Variants in DLG2 observed in about 807,000 individuals in gnomAD.
DLG2 encodes disks large homolog 2.
Under a neutral mutation model 132.5 loss-of-function variants are expected in DLG2, and 45 were observed. That is an observed-to-expected ratio of 0.34 (90% CI 0.27 to 0.44). DLG2 has a LOEUF of 0.44. Among genes scored for constraint, DLG2 ranks in the 20% least tolerant of loss-of-function variants. The pLI is 1.00. For missense variants in DLG2, 1,045 were observed against 1,196.9 expected (o/e 0.87, Z 1.87); for synonymous variants, 424 against 419.6 (o/e 1.01, Z -0.13).
chr11:83,753,349 G>A (rs1250268954), intron 18 of DLG2, among the ~76,000 whole-genome samples: 2 of 152,070 alleles, frequency 1.3e-5, no homozygotes, highest in African/African-American at 2.4e-5. Context: ...CTTGAACCTG[G>A]GAGGCAGAGG....
intron 21 of DLG2, among the ~76,000 whole-genome samples, chr11:83,523,122 T>C (rs1487305442): frequency 6.6e-6 from 1 of 152,192 alleles, no homozygotes; most frequent in Non-Finnish European, 1.5e-5. Flanking sequence ...AAGTGAAACC[T>C]GCAAGCTCAA....
chr11:83,958,980 T>A (rs528612293), intron 14 of DLG2, among the ~76,000 whole-genome samples: 2 of 152,256 alleles, frequency 1.3e-5, no homozygotes, highest in African/African-American at 4.8e-5. Context: ...CCCTTTCTAT[T>A]CTGACAGTCT....
intron 17 of DLG2, among the ~76,000 whole-genome samples, chr11:83,793,764 T>A (rs1423341884): frequency 2.0e-5 from 3 of 152,224 alleles, no homozygotes; most frequent in Non-Finnish European, 4.4e-5. Flanking sequence ...TAAACAGGCA[T>A]TCAGCAAATA....
At chr11:84,335,075 C>A (rs531901667) in intron 7 of DLG2, among the ~76,000 whole-genome samples, 7 of 148,924 alleles carry the variant, frequency 4.7e-5, no homozygotes, top group Non-Finnish European at 1.0e-4. Flanking sequence ...CTGATGCCAT[C>A]CAGAACTAAG....
At chr11:83,534,481 C>G (rs1383273095) in intron 20 of DLG2, among the ~76,000 whole-genome samples, 1 of 152,204 alleles carries the variant, frequency 6.6e-6, no homozygotes, top group Non-Finnish European at 1.5e-5. Flanking sequence ...ACACTCCTTT[C>G]TAACTGAGAG....
chr11:83,964,774 A>G (rs1257555089), intron 13 of DLG2, among the ~76,000 whole-genome samples: 1 of 152,002 alleles, frequency 6.6e-6, no homozygotes, highest in Non-Finnish European at 1.5e-5. Context: ...TCCCACTTCC[A>G]GCTCACCTCT....
intron 15 of DLG2, among the ~76,000 whole-genome samples, chr11:83,896,329 C>G (rs2071668319): frequency 6.6e-6 from 1 of 152,182 alleles, no homozygotes. Context: ...TTAGCCATGG[C>G]AGGACATTAT....
chr11:85,140,412 A>C (rs896338762), intron 5 of DLG2, among the ~76,000 whole-genome samples: 1 of 151,946 alleles, frequency 6.6e-6, no homozygotes, highest in African/African-American at 2.4e-5. Context: ...TTTTTGTAGA[A>C]AATATGCATT....
At chr11:85,324,990 C>T (rs1264263493) in intron 3 of DLG2, among the ~76,000 whole-genome samples, 16 of 145,984 alleles carry the variant, frequency 1.1e-4, no homozygotes, top group African/African-American at 2.3e-4. Flanking sequence ...GTTCCCTTTC[C>T]GAGTCAAAGA....
chr11:85,153,057 T>C (rs2077360002), intron 5 of DLG2, among the ~76,000 whole-genome samples: 2 of 152,188 alleles, frequency 1.3e-5, no homozygotes, highest in Admixed American at 1.3e-4. Context: ...TATCAATCCT[T>C]TCATATATAA....
chr11:83,998,142 AAG>A (rs1385675362), intron 11 of DLG2, among the ~76,000 whole-genome samples: 1 of 152,168 alleles, frequency 6.6e-6, no homozygotes, highest in East Asian at 1.9e-4. Context: ...TCTCAAAAAA[AAG>A]AAAAAAAGAA....
intron 3 of DLG2, among the ~76,000 whole-genome samples, chr11:85,337,376 G>A (rs1008428813): frequency 6.6e-6 from 1 of 151,984 alleles, no homozygotes; most frequent in East Asian, 1.9e-4. Context: ...GAACCATCAG[G>A]CCTGGCTAGA....
At chr11:84,035,369 ATATATT>A (rs1199011949) in intron 11 of DLG2, among the ~76,000 whole-genome samples, 1 of 152,216 alleles carries the variant, frequency 6.6e-6, no homozygotes, top group African/African-American at 2.4e-5. Context: ...ACACAAATAC[ATATATT>A]TATAATACAA....
chr11:83,666,070 C>T (rs1365594610), intron 18 of DLG2, among the ~76,000 whole-genome samples: 3 of 152,042 alleles, frequency 2.0e-5, no homozygotes, highest in Non-Finnish European at 4.4e-5. Flanking sequence ...AAGATTAGCC[C>T]CTTCCATTTG....
intron 8 of DLG2, among the ~76,000 whole-genome samples, chr11:84,200,294 A>T (rs1224818716): frequency 6.6e-6 from 1 of 152,162 alleles, no homozygotes; most frequent in African/African-American, 2.4e-5. Context: ...ACACTGAAGA[A>T]ACATTTCAGG....
At chr11:84,300,691 T>G (rs2098141802) in intron 7 of DLG2, among the ~76,000 whole-genome samples, 1 of 152,204 alleles carries the variant, frequency 6.6e-6, no homozygotes, top group Non-Finnish European at 1.5e-5. Flanking sequence ...AGCTTCGTAA[T>G]AGAATACAGT....
chr11:84,026,049 G>A (rs2095527857), intron 11 of DLG2, among the ~76,000 whole-genome samples: 1 of 152,088 alleles, frequency 6.6e-6, no homozygotes, highest in Admixed American at 6.6e-5. Context: ...AGGCTGATTT[G>A]AGGGATGAGG....
At chr11:84,735,379 T>C (rs1348149440) in intron 6 of DLG2, among the ~76,000 whole-genome samples, 1 of 152,220 alleles carries the variant, frequency 6.6e-6, no homozygotes, top group Non-Finnish European at 1.5e-5. Context: ...GATATATGTG[T>C]CAAGGAATTT....
intron 11 of DLG2, among the ~76,000 whole-genome samples, chr11:83,981,626 A>G (rs1650133874): frequency 6.6e-6 from 1 of 151,984 alleles, no homozygotes; most frequent in African/African-American, 2.4e-5. Context: ...AATTTTTAGT[A>G]GACACTGAAA....
Sources: allele counts gnomAD v4.1 joint callset (sites outside exome capture counted in the v4.1 genomes callset), GRCh38; gene constraint gnomAD v4.1.1; transcripts MANE v1.5; gene names NCBI Gene and HGNC (gene_info 2026-07-23, HGNC 2026-07-21).